The following ZFHX4 variants were observed in gnomAD, a reference collection of about 807,000 sequenced individuals.
ZFHX4 encodes the protein zinc finger homeobox protein 4.
In ZFHX4, 56 loss-of-function variants were observed where a neutral mutation model predicts 267.6. The ratio of observed to expected loss-of-function variants is 0.21; its 90% CI spans 0.17 to 0.26. The LOEUF is 0.26. Among genes scored for constraint, ZFHX4 ranks in the 10% least tolerant of loss-of-function variants. The pLI, the probability that ZFHX4 is intolerant of heterozygous loss-of-function variation, is 1.00. For synonymous variants in ZFHX4, 1,778 were observed against 1,665.6 expected (o/e 1.07, Z -1.64); for missense variants, 4,332 against 4,420.0 (o/e 0.98, Z 0.56).
chr8:76,845,242 C>G (rs1403697429), intron 6 of ZFHX4, among the ~76,000 whole-genome samples: 1 of 151,998 alleles, frequency 6.6e-6, no homozygotes, highest in Admixed American at 6.6e-5. Context: ...AATAGAAAAG[C>G]CTTCTAATGC....
At chr8:76,789,986 C>T (rs1810791967) in intron 4 of ZFHX4, among the ~76,000 whole-genome samples, 1 of 151,990 alleles carries the variant, frequency 6.6e-6, no homozygotes, top group Admixed American at 6.6e-5. Flanking sequence ...ATGTAACATG[C>T]CGGTAACTTC....
At chr8:76,739,300 G>A (rs1427879676) in intron 3 of ZFHX4, among the ~76,000 whole-genome samples, 4 of 151,762 alleles carry the variant, frequency 2.6e-5, no homozygotes, top group Non-Finnish European at 5.9e-5. Flanking sequence ...TTTATTTTTT[G>A]TCCCTTTCTA....
At chr8:76,735,350 A>T (rs992267693) in intron 3 of ZFHX4, among the ~76,000 whole-genome samples, 7 of 152,148 alleles carry the variant, frequency 4.6e-5, no homozygotes, top group African/African-American at 1.7e-4. Flanking sequence ...ATATCCGGGA[A>T]GTAAACCCTT....
chr8:76,718,899 A>G (rs1241248063), intron 3 of ZFHX4, among the ~76,000 whole-genome samples: 1 of 151,062 alleles, frequency 6.6e-6, no homozygotes, highest in East Asian at 2.0e-4. Context: ...ATGTGTTGGC[A>G]AATCATTGAT....
At chr8:76,686,247 A>G (rs1407284212) in intron 1 of ZFHX4, among the ~76,000 whole-genome samples, 1 of 152,210 alleles carries the variant, frequency 6.6e-6, no homozygotes, top group Non-Finnish European at 1.5e-5. Flanking sequence ...AATGCACATG[A>G]AAAAGGACAA....
intron 3 of ZFHX4, among the ~76,000 whole-genome samples, chr8:76,750,901 A>G (rs1809596817): frequency 6.6e-6 from 1 of 152,194 alleles, no homozygotes; most frequent in Non-Finnish European, 1.5e-5. Flanking sequence ...TAAACTTTCA[A>G]GAGAACGAAT....
chr8:76,720,694 TCTGA>T (rs1285444176), intron 3 of ZFHX4, among the ~76,000 whole-genome samples: 1 of 152,200 alleles, frequency 6.6e-6, no homozygotes, highest in Non-Finnish European at 1.5e-5. Context: ...TCTGTTCTTC[TCTGA>T]CTGACTAGCT....
At chr8:76,804,508 C>G (rs1811197363) in intron 4 of ZFHX4, among the ~76,000 whole-genome samples, 1 of 152,062 alleles carries the variant, frequency 6.6e-6, no homozygotes, top group Non-Finnish European at 1.5e-5. Flanking sequence ...TTATTCTTGA[C>G]TCAGTCGACA....
Position 76,704,667 on chromosome 8 carries a change from C to T in ZFHX4, c.579C>T (p.Asn193=), listed in dbSNP as rs1808198460. ...TGTCGTTCTACCCACAGATCATCAA[C>T]ACTTTTCATATCGCTTCATCCCTCG... ...APMSFYPQII[N]TFHIASSLGK... The change falls in exon 2 of 11, where the codon AAC becomes AAT. Residue 193 remains asparagine, a synonymous_variant. Coordinates refer to ENST00000651372, the MANE Select transcript of ZFHX4 (RefSeq NM_024721.5). The T allele has an allele frequency of 6.2e-7, 1 of 1,614,044 alleles. No homozygotes were observed. Among genetic ancestry groups the T allele is most frequent in the South Asian group, 1.1e-5 (1 of 91,080 alleles).
intron 4 of ZFHX4, among the ~76,000 whole-genome samples, chr8:76,818,220 C>T (rs1404468412): frequency 2.0e-5 from 3 of 152,060 alleles, no homozygotes; most frequent in Non-Finnish European, 4.4e-5. Context: ...TTATTTATTT[C>T]TCTCTTTGTG....
intron 5 of ZFHX4, chr8:76,833,982 G>GT (rs1812005548): frequency 3.9e-6 from 1 of 258,390 alleles, no homozygotes; most frequent in Admixed American, 4.5e-5. Context: ...GAATCAAACA[G>GT]TATGTAGTTT....
At chr8:76,685,264 T>C (rs992188907) in intron 1 of ZFHX4, among the ~76,000 whole-genome samples, 1 of 152,224 alleles carries the variant, frequency 6.6e-6, no homozygotes, top group Non-Finnish European at 1.5e-5. Flanking sequence ...CCTCTGCCTA[T>C]ATGATATTAA....
At chr8:76,725,957 A>G (rs1364011538) in intron 3 of ZFHX4, among the ~76,000 whole-genome samples, 1 of 152,192 alleles carries the variant, frequency 6.6e-6, no homozygotes, top group Non-Finnish European at 1.5e-5. Context: ...GTGTTGCTTG[A>G]GGAAGCAACT....
At chr8:76,702,979 C>G (rs1287415012) in intron 1 of ZFHX4, among the ~76,000 whole-genome samples, 1 of 152,050 alleles carries the variant, frequency 6.6e-6, no homozygotes, top group Non-Finnish European at 1.5e-5. Context: ...CACACACACA[C>G]ACACACACAC....
chr8:76,804,954 A>T (rs887092060), intron 4 of ZFHX4, among the ~76,000 whole-genome samples: 1 of 152,114 alleles, frequency 6.6e-6, no homozygotes, highest in Admixed American at 6.6e-5. Context: ...TGCTCTGAAC[A>T]TGCATACATT....
intron 4 of ZFHX4, among the ~76,000 whole-genome samples, chr8:76,792,093 G>A (rs1289716021): frequency 1.3e-5 from 2 of 152,052 alleles, no homozygotes; most frequent in Non-Finnish European, 2.9e-5. Flanking sequence ...TAATCTGGAA[G>A]TTACAAATAC....
At chr8:76,767,118 A>G (rs2131741820) in intron 3 of ZFHX4, among the ~76,000 whole-genome samples, 1 of 152,072 alleles carries the variant, frequency 6.6e-6, no homozygotes, top group African/African-American at 2.4e-5. Context: ...ACTGCGTGAC[A>G]TGAACATACA....
At chr8:76,720,729 A>G (rs1430674745) in intron 3 of ZFHX4, among the ~76,000 whole-genome samples, 1 of 152,188 alleles carries the variant, frequency 6.6e-6, no homozygotes, top group African/African-American at 2.4e-5. Context: ...AATTGATGGT[A>G]GCATATGTTG....
In ZFHX4 at chr8:76,852,831, G is replaced by A. The variant is rs749767184; in HGVS notation, c.5910G>A (p.Gly1970=). The change falls in exon 10 of 11, where the codon GGG becomes GGA. Residue 1970 remains glycine (G), a synonymous_variant. Coordinates refer to ENST00000651372, the MANE Select transcript of ZFHX4 (RefSeq NM_024721.5). The part of the protein sequence containing the change: ...ILKSHQEHVH[G]QFFPYAALEK... ...AGAGTCACCAAGAACATGTACATGG[G>A]CAATTTTTTCCATATGCAGCGCTAG... 1.2e-6 allele frequency: 2 copies of A among 1,613,812 alleles called. No homozygotes were observed. The highest frequency in any genetic ancestry group is 1.7e-6 in the Non-Finnish European group (2 of 1,179,832).
Sources: gnomAD v4.1 joint callset for allele counts (sites outside exome capture counted in the v4.1 genomes callset) on GRCh38, gnomAD v4.1.1 for gene constraint, MANE v1.5 for transcripts, NCBI Gene and HGNC (gene_info 2026-07-23, HGNC 2026-07-21) for gene names.